The following ADAM12 variants were observed in gnomAD, a reference collection of about 807,000 sequenced individuals.
ADAM12 encodes the protein disintegrin and metalloproteinase domain-containing protein 12.
A neutral mutation model predicts 106.4 loss-of-function variants in ADAM12; 70 were observed. The ratio of observed to expected loss-of-function variants is 0.66; its 90% CI spans 0.54 to 0.80. ADAM12 has a LOEUF of 0.80. Among genes scored for constraint, ADAM12 ranks in the 30% least tolerant of loss-of-function variants. The probability of loss-of-function intolerance (pLI) is 0.00; values close to 1 mark genes in which losing one functional copy is unlikely to be tolerated. For missense variants in ADAM12, 1,010 were observed against 1,171.9 expected (o/e 0.86, Z 2.02); for synonymous variants, 420 against 433.5 (o/e 0.97, Z 0.39).
At chr10:126,157,890 G>A (rs1262609657) in intron 3 of ADAM12, among the ~76,000 whole-genome samples, 3 of 152,226 alleles carry the variant, frequency 2.0e-5, no homozygotes, top group Non-Finnish European at 4.4e-5. Context: ...GCAAGGCAGT[G>A]GGAAGGTGAC....
intron 3 of ADAM12, among the ~76,000 whole-genome samples, chr10:126,220,872 G>C (rs1394555972): frequency 6.6e-6 from 1 of 152,228 alleles, no homozygotes; most frequent in African/African-American, 2.4e-5. Flanking sequence ...GGGCACCTGT[G>C]GGTTCCTGGG....
At chr10:126,084,742 G>A (rs1382296296) in intron 11 of ADAM12, among the ~76,000 whole-genome samples, 1 of 152,166 alleles carries the variant, frequency 6.6e-6, no homozygotes, top group African/African-American at 2.4e-5. Context: ...TCAAGAATGG[G>A]AAAGAGCTGT....
Position 126,294,491 on chromosome 10 carries a change from G to A in ADAM12, c.187-15503C>T, listed in dbSNP as rs563401587. 1.6e-4 allele frequency among the ~76,000 whole-genome samples: 25 copies of A among 152,212 alleles called. No individual in the cohort carries two copies. In the South Asian group the frequency reaches 2.1e-3, roughly 13 times the overall value. ...CTGTGGAAACTGCAGGATTTCTCCCGCGACAGTCTCGGCTGTTCAGGTTTC... is the reference window on the plus strand; with the variant it reads ...CTGTGGAAACTGCAGGATTTCTCCCACGACAGTCTCGGCTGTTCAGGTTTC... On this transcript the variant is annotated intron_variant, in intron 2 of 22. Coordinates refer to ENST00000448723, the MANE Select transcript of ADAM12 (RefSeq NM_001288973.2).
intron 2 of ADAM12, among the ~76,000 whole-genome samples, chr10:126,287,110 A>T (rs118132735): frequency 0.027 from 4,115 of 152,286 alleles, 84 homozygotes; most frequent in Non-Finnish European, 0.044. Context: ...GATTTGCAGC[A>T]AACATTTTAG....
intron 3 of ADAM12, among the ~76,000 whole-genome samples, chr10:126,257,238 T>G (rs545679840): frequency 1.3e-5 from 2 of 152,218 alleles, no homozygotes; most frequent in African/African-American, 4.8e-5. Context: ...CGGGAAGGAA[T>G]GATGTCAGGC....
rs1954881255 is a variant in ADAM12 at position 126,066,838 on chromosome 10, G to T, written c.1324-32C>A. The T allele has an allele frequency of 1.3e-6, 2 of 1,589,536 alleles. No homozygotes were observed. The highest frequency in any genetic ancestry group is 2.2e-5 in the East Asian group (1 of 44,692). ...AGGGGAATGGCATTTGTTTGACAGGGTCTTATGGAGTATGCACTCACTGAA... is the reference window on the plus strand; with the variant it reads ...AGGGGAATGGCATTTGTTTGACAGGTTCTTATGGAGTATGCACTCACTGAA... On this transcript the variant is annotated intron_variant, in intron 12 of 22. Transcript: ENST00000448723. The surrounding 1 kb of genome is among the most constrained non-coding windows in gnomAD (Gnocchi z 5.1).
At chr10:126,171,656 A>C (rs1310771757) in intron 3 of ADAM12, among the ~76,000 whole-genome samples, 2 of 152,186 alleles carry the variant, frequency 1.3e-5, no homozygotes, top group East Asian at 3.9e-4. Context: ...CCATCCCAAA[A>C]CATGACTTCA....
Position 126,029,665 on chromosome 10 carries a change from G to T in ADAM12, c.2529+6481C>A, listed in dbSNP as rs143106755. ...CAAACCACTGTGGCACATGTTTACC[G>T]ATGTAACAAACCTGCACATCCTGCA... On this transcript the variant is annotated intron_variant, in intron 21 of 22. Transcript: ENST00000448723. Among the ~76,000 whole-genome samples the T allele has an allele frequency of 5.3e-4, 81 of 152,252 alleles. No individual in the cohort carries two copies. In the South Asian group the frequency reaches 8.3e-3, roughly 16 times the overall value.
chr10:126,126,281 C>T (rs1437808546), intron 5 of ADAM12, among the ~76,000 whole-genome samples: 1 of 152,082 alleles, frequency 6.6e-6, no homozygotes, highest in Non-Finnish European at 1.5e-5. Flanking sequence ...GAGTGACCTT[C>T]GAGGTCCAGG....
chr10:126,226,948 TCTC>T (rs1393124033), intron 3 of ADAM12, among the ~76,000 whole-genome samples: 1 of 152,146 alleles, frequency 6.6e-6, no homozygotes, highest in African/African-American at 2.4e-5. Context: ...TGCTCTCTGT[TCTC>T]CTTGATGCTT....
At chr10:126,186,717 G>A (rs1006524443) in intron 3 of ADAM12, among the ~76,000 whole-genome samples, 12 of 152,162 alleles carry the variant, frequency 7.9e-5, no homozygotes, top group Admixed American at 5.9e-4. Context: ...CAAGAGGCAG[G>A]TCATCAAGAG....
chr10:126,208,312 C>T (rs1957834406), intron 3 of ADAM12, among the ~76,000 whole-genome samples: 1 of 152,132 alleles, frequency 6.6e-6, no homozygotes, highest in Non-Finnish European at 1.5e-5. Flanking sequence ...AGGGATGCTG[C>T]CAAACATCCT....
intron 14 of ADAM12, among the ~76,000 whole-genome samples, chr10:126,063,604 G>A (rs1413352772): frequency 1.3e-5 from 2 of 152,230 alleles, no homozygotes; most frequent in African/African-American, 4.8e-5. Flanking sequence ...GGCCTTGCCA[G>A]AGCTGGGGTC....
chr10:126,175,537 C>T (rs1396299035), intron 3 of ADAM12, among the ~76,000 whole-genome samples: 1 of 152,218 alleles, frequency 6.6e-6, no homozygotes, highest in South Asian at 2.1e-4. Flanking sequence ...TTTCTGTGTA[C>T]ATGACTTGCT....
chr10:126,254,753 C>T (rs771285311), intron 3 of ADAM12, among the ~76,000 whole-genome samples: 5 of 152,194 alleles, frequency 3.3e-5, no homozygotes, highest in Admixed American at 1.3e-4. Context: ...GTGCAACAGT[C>T]GCCATCGCTG....
chr10:126,168,282 T>C (rs1282795915), intron 3 of ADAM12, among the ~76,000 whole-genome samples: 1 of 152,104 alleles, frequency 6.6e-6, no homozygotes, highest in African/African-American at 2.4e-5. Context: ...CCAAACTACC[T>C]TCAAAATATA....
chr10:126,199,885 T>C (rs1488399094), intron 3 of ADAM12, among the ~76,000 whole-genome samples: 2 of 152,164 alleles, frequency 1.3e-5, no homozygotes, highest in African/African-American at 4.8e-5. Flanking sequence ...AGTGTGCACC[T>C]GATCAAAGCA....
chr10:126,078,836 A>G (rs1022713964), intron 11 of ADAM12, among the ~76,000 whole-genome samples: 2 of 152,130 alleles, frequency 1.3e-5, no homozygotes, highest in Non-Finnish European at 2.9e-5. Flanking sequence ...ACCAATTCTT[A>G]TGATTCCACG....
At chr10:126,189,080 G>T (rs1402222461) in intron 3 of ADAM12, among the ~76,000 whole-genome samples, 1 of 152,190 alleles carries the variant, frequency 6.6e-6, no homozygotes, top group African/African-American at 2.4e-5. Context: ...ACATCCTAGA[G>T]TAGGGAGACA....
Sources: gnomAD v4.1 joint callset for allele counts (sites outside exome capture counted in the v4.1 genomes callset) on GRCh38, gnomAD v4.1.1 for gene constraint, Gnocchi (gnomAD v3.1) non-coding constraint, MANE v1.5 for transcripts, NCBI Gene and HGNC (gene_info 2026-07-23, HGNC 2026-07-21) for gene names.